Variants in NFATC2 observed in about 807,000 individuals in gnomAD.
NFATC2 encodes nuclear factor of activated T-cells, cytoplasmic 2.
In NFATC2, 22 loss-of-function variants were observed where a neutral mutation model predicts 87.3. The ratio of observed to expected loss-of-function variants is 0.25; its 90% confidence interval spans 0.18 to 0.36. The LOEUF (loss-of-function observed/expected upper bound fraction) is 0.36. Ranked by LOEUF, NFATC2 falls within the 10% of genes least tolerant of loss-of-function variation. The pLI, the probability that NFATC2 is intolerant of heterozygous loss-of-function variation, is 1.00. For missense variants in NFATC2, 1,149 were observed against 1,259.1 expected (o/e 0.91, Z 1.32); for synonymous variants, 565 against 542.2 (o/e 1.04, Z -0.58).
chr20:51,389,054 T>C lies in NFATC2; in HGVS notation c.*2442A>G, dbSNP rs1986060330. 6.6e-6 allele frequency: 1 copy of C among 152,216 alleles called. No individual in the cohort carries two copies. Among genetic ancestry groups the C allele is most frequent in the Non-Finnish European group, 1.5e-5 (1 of 68,034 alleles). 9.4% of individuals were successfully genotyped at this position (152,216 alleles called of 1,614,324 possible). On this transcript the variant is annotated 3_prime_UTR_variant, in exon 11 of 11. Transcript: ENST00000371564. ...ATGTCTCAAATCTAATGCTTTTGTTTCTCTTTCCTTTGCGATTTGTTACAG... is the reference window on the plus strand; with the variant it reads ...ATGTCTCAAATCTAATGCTTTTGTTCCTCTTTCCTTTGCGATTTGTTACAG...
At chr20:51,536,561 C>T (rs2076723242) in intron 1 of NFATC2, among the ~76,000 whole-genome samples, 1 of 152,188 alleles carries the variant, frequency 6.6e-6, no homozygotes. Context: ...GAGAACCAAC[C>T]TGAATAACAC....
intron 5 of NFATC2, among the ~76,000 whole-genome samples, chr20:51,456,166 A>T (rs1664592234): frequency 6.6e-6 from 1 of 152,102 alleles, no homozygotes; most frequent in African/African-American, 2.4e-5. Flanking sequence ...ATGGATATGA[A>T]TATGTCTGTA....
chr20:51,472,665 TCA>T (rs1433729970), intron 5 of NFATC2, among the ~76,000 whole-genome samples: 1 of 139,022 alleles, frequency 7.2e-6, no homozygotes, highest in Admixed American at 7.6e-5. Flanking sequence ...AGACAGGGTC[TCA>T]CTCTGTTGCC....
chr20:51,486,707 T>C (rs1261012102), intron 3 of NFATC2, among the ~76,000 whole-genome samples: 1 of 151,438 alleles, frequency 6.6e-6, no homozygotes, highest in Admixed American at 6.6e-5. Flanking sequence ...AACGAATAGA[T>C]TGATTCTCAG....
chr20:51,392,424 A>G (rs1296588209), intron 10 of NFATC2, among the ~76,000 whole-genome samples: 3 of 152,208 alleles, frequency 2.0e-5, no homozygotes, highest in Non-Finnish European at 2.9e-5. Context: ...CCCACTGGGT[A>G]AGGTACTAAT....
chr20:51,412,588 G>A (rs1471220451), intron 9 of NFATC2, among the ~76,000 whole-genome samples: 3 of 152,150 alleles, frequency 2.0e-5, no homozygotes, highest in Non-Finnish European at 2.9e-5. Flanking sequence ...GGGAGGCCCC[G>A]CTGGCCTGGT....
At position 51,389,385 on chromosome 20, in the gene NFATC2, G is replaced by A. The variant is rs901920516; in HGVS notation, c.*2111C>T. On this transcript the variant is annotated 3_prime_UTR_variant, in exon 11 of 11. Transcript: ENST00000371564. ...GCTCCTAGCCAGTCCTAGCCAGGTC[G>A]AGTGAGAACAAATCACTCACCACAC... 2 of 152,152 alleles carry A rather than the reference G, an allele frequency of 1.3e-5. No individual in the cohort carries two copies. The highest frequency in any genetic ancestry group is 4.8e-5 in the African/African-American group (2 of 41,424). The allele number at this position is 152,152 out of a possible 1,614,324, so 9.4% of individuals were successfully genotyped here. A position where few individuals can be genotyped will look rare whatever the true frequency, so the allele number is the denominator to read the frequency against.
chr20:51,518,435 C>T (rs1000239730), intron 2 of NFATC2, among the ~76,000 whole-genome samples: 7 of 152,176 alleles, frequency 4.6e-5, no homozygotes, highest in African/African-American at 1.4e-4. Context: ...TTCATCTGTG[C>T]CAGAGTCCAA....
intron 3 of NFATC2, among the ~76,000 whole-genome samples, chr20:51,498,050 T>G (rs1317586461): frequency 6.6e-6 from 1 of 152,206 alleles, no homozygotes; most frequent in African/African-American, 2.4e-5. Context: ...TTCCATCAAG[T>G]CACGACTTCT....
chr20:51,534,693 A>G lies in NFATC2; in HGVS notation c.130+7677T>C, dbSNP rs145305240. Reference sequence around the variant, plus strand: ...AGTAAAATGCACAAATATTTCACATACATCTTGTGCCTTTGCATATATATA... The same window carrying G: ...AGTAAAATGCACAAATATTTCACATGCATCTTGTGCCTTTGCATATATATA... On this transcript the variant is annotated intron_variant, in intron 1 of 10. Coordinates refer to ENST00000371564, the MANE Select transcript of NFATC2 (RefSeq NM_012340.5). 3.5e-3 allele frequency among the ~76,000 whole-genome samples: 538 copies of G among 152,260 alleles called. 7 individuals are homozygous for G. Among genetic ancestry groups the G allele is most frequent in the African/African-American group, 0.013 (526 of 41,544 alleles).
chr20:51,397,714 C>T (rs986827443), intron 10 of NFATC2, among the ~76,000 whole-genome samples: 1 of 152,066 alleles, frequency 6.6e-6, no homozygotes, highest in Admixed American at 6.5e-5. Flanking sequence ...TTCCTTCTGC[C>T]ATAGGGAAGT....
At chr20:51,482,752 C>T (rs1989371975) in intron 3 of NFATC2, among the ~76,000 whole-genome samples, 1 of 152,198 alleles carries the variant, frequency 6.6e-6, no homozygotes, top group Admixed American at 6.5e-5. Flanking sequence ...CAAGAGATCA[C>T]TAAAGCTTAT....
chr20:51,445,091 A>C (rs1483333622), intron 6 of NFATC2, among the ~76,000 whole-genome samples: 1 of 151,886 alleles, frequency 6.6e-6, no homozygotes, highest in Non-Finnish European at 1.5e-5. Context: ...CTCAAACATC[A>C]ACCAGACCAT....
At chr20:51,482,502 C>T (rs1989348352) in intron 3 of NFATC2, among the ~76,000 whole-genome samples, 1 of 152,000 alleles carries the variant, frequency 6.6e-6, no homozygotes, top group Non-Finnish European at 1.5e-5. Context: ...TCTTTCATTC[C>T]AAACTGTTTT....
At chr20:51,404,705 T>A (rs1216516472) in intron 9 of NFATC2, among the ~76,000 whole-genome samples, 1 of 152,208 alleles carries the variant, frequency 6.6e-6, no homozygotes, top group East Asian at 1.9e-4. Flanking sequence ...ATTTTCAGAA[T>A]GGGCAGGGCT....
chr20:51,518,826 G>T (rs2076395453), intron 2 of NFATC2, among the ~76,000 whole-genome samples: 1 of 151,804 alleles, frequency 6.6e-6, no homozygotes, highest in Non-Finnish European at 1.5e-5. Context: ...TTTAAAATAT[G>T]GGCTCTTGCT....
chr20:51,391,295 C>G lies in NFATC2; in HGVS notation c.*201G>C, dbSNP rs775458849. 1 of 1,297,242 alleles carries G rather than the reference C, an allele frequency of 7.7e-7. No individual in the cohort carries two copies. The highest frequency in any genetic ancestry group is 1.2e-5 in the South Asian group (1 of 84,582). The allele number at this position is 1,297,242 out of a possible 1,614,324, so 80.4% of individuals were successfully genotyped here. A position where few individuals can be genotyped will look rare whatever the true frequency, so the allele number is the denominator to read the frequency against. On this transcript the variant is annotated 3_prime_UTR_variant, in exon 11 of 11. Transcript: ENST00000371564. ...GCCCATACATTGATCCGCGTGTGGACTCCGGGCTGGGAGATGAACATGAAA... is the reference window on the plus strand; with the variant it reads ...GCCCATACATTGATCCGCGTGTGGAGTCCGGGCTGGGAGATGAACATGAAA...
chr20:51,413,175 G>T (rs1007229992), intron 9 of NFATC2, among the ~76,000 whole-genome samples: 1 of 151,816 alleles, frequency 6.6e-6, no homozygotes, highest in Non-Finnish European at 1.5e-5. Flanking sequence ...TTTTCTCACC[G>T]GCCCAGTGGC....
At position 51,539,260 on chromosome 20, in the gene NFATC2, G is replaced by A. The variant is rs983343847; in HGVS notation, c.130+3110C>T. Among the ~76,000 whole-genome samples, 17 of 152,100 alleles carry A rather than the reference G, an allele frequency of 1.1e-4. No individual in the cohort carries two copies. In the East Asian group the frequency reaches 1.2e-3, roughly 10 times the overall value. On this transcript the variant is annotated intron_variant, in intron 1 of 10. Transcript: ENST00000371564. ...TCCTTCCTTGGTTTTTGCCAAGCTCGTGCCCAGAGTTAAGGATAGAACTTT... is the reference window on the plus strand; with the variant it reads ...TCCTTCCTTGGTTTTTGCCAAGCTCATGCCCAGAGTTAAGGATAGAACTTT...
Sources: gnomAD v4.1 joint callset for allele counts (sites outside exome capture counted in the v4.1 genomes callset) on GRCh38, gnomAD v4.1.1 for gene constraint, MANE v1.5 for transcripts, NCBI Gene and HGNC (gene_info 2026-07-23, HGNC 2026-07-21) for gene names.